The following ULK4 variants were observed in gnomAD, a reference collection of about 807,000 sequenced individuals.
ULK4 encodes the protein inactive serine/threonine-protein kinase ULK4.
ULK4 carries 133 observed loss-of-function variants against 160.6 expected under a neutral mutation model. The ratio of observed to expected loss-of-function variants is 0.83; its 90% CI spans 0.72 to 0.96. The LOEUF (loss-of-function observed/expected upper bound fraction) is 0.96. ULK4 is among the 40% of genes least tolerant of loss of function. ULK4 has a pLI of 0.00. For missense variants in ULK4, 1,580 were observed against 1,499.5 expected (o/e 1.05, Z -0.89); for synonymous variants, 534 against 539.8 (o/e 0.99, Z 0.15).
chr3:41,941,385 T>G (rs1464077161), intron 2 of ULK4, among the ~76,000 whole-genome samples: 1 of 142,288 alleles, frequency 7.0e-6, no homozygotes, highest in Non-Finnish European at 1.5e-5. Flanking sequence ...ATCCAAACTC[T>G]ACTACCACTT....
chr3:41,843,160 A>G lies in ULK4; in HGVS notation c.1657-7189T>C, dbSNP rs78243891. Among the ~76,000 whole-genome samples the G allele has an allele frequency of 3.9e-5, 6 of 152,376 alleles. No individual in the cohort carries two copies. In the East Asian group the frequency reaches 1.2e-3, roughly 29 times the overall value. On this transcript the variant is annotated intron_variant, in intron 17 of 36. Transcript: ENST00000301831. The stretch of plus-strand genomic sequence containing the variant: ...GACACCAAAAGCACAGAGACATTGT[A>G]CCAAAGAGAATATGCAGCCACCAAA...
intron 35 of ULK4, among the ~76,000 whole-genome samples, chr3:41,284,910 C>A (rs1409140530): frequency 6.6e-6 from 1 of 151,860 alleles, no homozygotes; most frequent in Non-Finnish European, 1.5e-5. Flanking sequence ...AAAAAAGAAA[C>A]CCATCAAAAA....
intron 30 of ULK4, among the ~76,000 whole-genome samples, chr3:41,628,701 G>T (rs1281295703): frequency 6.6e-6 from 1 of 152,086 alleles, no homozygotes; most frequent in Non-Finnish European, 1.5e-5. Flanking sequence ...GGTGAAACTG[G>T]AGTATGATCT....
intron 35 of ULK4, chr3:41,260,188 T>A (rs1310411357): frequency 1.3e-5 from 2 of 152,210 alleles, no homozygotes; most frequent in African/African-American, 4.8e-5. Context: ...CAACTGCTCA[T>A]AGAGACAGGC....
intron 17 of ULK4, among the ~76,000 whole-genome samples, chr3:41,876,190 A>G (rs1697296114): frequency 6.6e-6 from 1 of 152,150 alleles, no homozygotes; most frequent in Non-Finnish European, 1.5e-5. Context: ...AAAAAACATG[A>G]GGAAAGAGAC....
intron 5 of ULK4, among the ~76,000 whole-genome samples, chr3:41,922,783 A>C (rs1381870352): frequency 6.6e-6 from 1 of 152,010 alleles, no homozygotes; most frequent in Non-Finnish European, 1.5e-5. Context: ...TGTACGATGG[A>C]CTCCATGCAA....
intron 35 of ULK4, among the ~76,000 whole-genome samples, chr3:41,281,662 G>A (rs1049565928): frequency 9.9e-5 from 15 of 152,108 alleles, no homozygotes; most frequent in African/African-American, 3.6e-4. Context: ...AAAATAATAA[G>A]AGCTATCTAT....
intron 18 of ULK4, among the ~76,000 whole-genome samples, chr3:41,823,205 A>T (rs73079327): frequency 0.31 from 47,559 of 151,954 alleles, 10,908 homozygotes; most frequent in African/African-American, 0.65. Context: ...AATACAAACA[A>T]CTCAGAAGAA....
At chr3:41,899,430 T>G (rs1698275553) in intron 13 of ULK4, among the ~76,000 whole-genome samples, 2 of 152,188 alleles carry the variant, frequency 1.3e-5, no homozygotes, top group African/African-American at 4.8e-5. Flanking sequence ...TTCTACTGAT[T>G]AAGGCTTCCC....
chr3:41,332,869 A>G (rs1479425235), intron 35 of ULK4, among the ~76,000 whole-genome samples: 4 of 152,088 alleles, frequency 2.6e-5, no homozygotes, highest in African/African-American at 9.7e-5. Context: ...AGGAGTACCC[A>G]ATGTTTTGTT....
At chr3:41,910,906 T>C (rs1484864525) in intron 11 of ULK4, among the ~76,000 whole-genome samples, 2 of 152,118 alleles carry the variant, frequency 1.3e-5, no homozygotes, top group Admixed American at 1.3e-4. Context: ...GAGGTTACAA[T>C]GAACCAAAAT....
At chr3:41,856,782 T>C (rs948081528) in intron 17 of ULK4, among the ~76,000 whole-genome samples, 7 of 151,532 alleles carry the variant, frequency 4.6e-5, no homozygotes, top group Non-Finnish European at 1.0e-4. Flanking sequence ...GGTGCACCTC[T>C]GTGGTCCCAG....
intron 29 of ULK4, among the ~76,000 whole-genome samples, chr3:41,675,269 A>T (rs1053202581): frequency 2.0e-5 from 3 of 151,816 alleles, no homozygotes; most frequent in African/African-American, 7.3e-5. Context: ...GTTTCTGAAG[A>T]TGTAGTTAAG....
intron 30 of ULK4, among the ~76,000 whole-genome samples, chr3:41,648,768 G>A (rs949624422): frequency 6.6e-6 from 1 of 152,154 alleles, no homozygotes; most frequent in African/African-American, 2.4e-5. Flanking sequence ...CAATCTAGCA[G>A]GTCACCACTT....
intron 18 of ULK4, among the ~76,000 whole-genome samples, chr3:41,824,316 G>A (rs1350449253): frequency 2.0e-5 from 3 of 152,050 alleles, no homozygotes; most frequent in Non-Finnish European, 4.4e-5. Context: ...CGGACAGTGG[G>A]TGCAGGACAG....
intron 35 of ULK4, among the ~76,000 whole-genome samples, chr3:41,295,890 C>G (rs769812510): frequency 2.6e-5 from 4 of 152,212 alleles, no homozygotes; most frequent in Non-Finnish European, 4.4e-5. Flanking sequence ...CTATCTAGCA[C>G]TTGTGCTCTA....
At chr3:41,299,301 G>C (rs1009111848) in intron 35 of ULK4, among the ~76,000 whole-genome samples, 2 of 152,182 alleles carry the variant, frequency 1.3e-5, no homozygotes, top group Non-Finnish European at 2.9e-5. Context: ...GAGATTAGCA[G>C]TGCCACCAAC....
At chr3:41,901,525 G>C (rs1005660532) in intron 12 of ULK4, among the ~76,000 whole-genome samples, 1 of 108,168 alleles carries the variant, frequency 9.2e-6, no homozygotes. Flanking sequence ...CCATCACACA[G>C]GCTGGAATGC....
At chr3:41,269,413 C>G (rs955647326) in intron 35 of ULK4, among the ~76,000 whole-genome samples, 1 of 151,974 alleles carries the variant, frequency 6.6e-6, no homozygotes, top group Non-Finnish European at 1.5e-5. Context: ...ATTGATGGTC[C>G]TGTACAACAG....
Sources: allele counts gnomAD v4.1 joint callset (sites outside exome capture counted in the v4.1 genomes callset), GRCh38; gene constraint gnomAD v4.1.1; transcripts MANE v1.5; gene names NCBI Gene and HGNC (gene_info 2026-07-23, HGNC 2026-07-21).